Variants in MYSM1 observed in about 807,000 individuals in gnomAD.
MYSM1 encodes the protein deubiquitinase MYSM1.
In MYSM1, 51 loss-of-function variants were observed where a neutral mutation model predicts 116.0. The observed-to-expected ratio is 0.44, with a 90% CI of 0.35 to 0.56. The LOEUF (loss-of-function observed/expected upper bound fraction) is 0.56, where lower values mean the gene tolerates loss of function less well. Among genes scored for constraint, MYSM1 ranks in the 20% least tolerant of loss-of-function variants. MYSM1 has a pLI of 0.00. For synonymous variants in MYSM1, 313 were observed against 315.2 expected (o/e 0.99, Z 0.07); for missense variants, 900 against 974.9 (o/e 0.92, Z 1.02).
chr1:58,697,615 G>A (rs950047934), intron 1 of MYSM1, among the ~76,000 whole-genome samples: 3 of 150,440 alleles, frequency 2.0e-5, no homozygotes, highest in Non-Finnish European at 3.0e-5. Context: ...TTGAGATGGC[G>A]TTTTGCTCTT....
intron 2 of MYSM1, among the ~76,000 whole-genome samples, chr1:58,693,492 C>T (rs1458879503): frequency 2.0e-5 from 3 of 152,206 alleles, no homozygotes; most frequent in Non-Finnish European, 4.4e-5. Context: ...TTATCTCCAC[C>T]TGCTTCTCCC....
Position 58,682,280 on chromosome 1 carries a change from T to C in MYSM1, c.764A>G (p.His255Arg). Reference protein sequence around the residue: ...LLLDFPNSKMHETNQGEFITS... With the variant: ...LLLDFPNSKMRETNQGEFITS... ...AATGAATTCTCCTTGATTGGTTTCA[T>C]GCATTTTACTATTAGGAAAGTCTAA... Residue 255 changes from histidine (H) to arginine (R), a missense_variant, in exon 8 of 20, where the codon CAT (histidine) becomes CGT (arginine). His to Arg is a conservative substitution (Grantham distance 29, BLOSUM62 0). Transcript: ENST00000472487. 1 of 1,611,500 alleles carries C rather than the reference T, an allele frequency of 6.2e-7. No homozygotes were observed. Among genetic ancestry groups the C allele is most frequent in the Non-Finnish European group, 8.5e-7 (1 of 1,177,990 alleles).
chr1:58,672,568 ATAAAG>A (rs1644579673), intron 11 of MYSM1, among the ~76,000 whole-genome samples: 3 of 152,294 alleles, frequency 2.0e-5, no homozygotes, highest in Middle Eastern at 3.4e-3. Flanking sequence ...TGTTTATAAA[ATAAAG>A]TAAATCTCTA....
chr1:58,694,423 TC>T (rs1430617177), intron 2 of MYSM1, among the ~76,000 whole-genome samples: 6 of 151,742 alleles, frequency 4.0e-5, no homozygotes, highest in Non-Finnish European at 8.8e-5. Flanking sequence ...GAGATCAAGG[TC>T]AGCTTGGCCA....
In MYSM1 at chr1:58,675,412, C is replaced by T. The variant is rs11800748; in HGVS notation, c.1494+65G>A. The T allele has an allele frequency of 6.5e-4, 786 of 1,200,368 alleles. 5 individuals carry two copies. The African/African-American group carries it at 0.01, about 16-fold the overall frequency. The allele number at this position is 1,200,368 out of a possible 1,614,324, so 74.4% of individuals were successfully genotyped here. ...TTTATTAAACAGCTCAAGGTAAGTA[C>T]GTAAACCACACTAAACAGAGTAAGC... On this transcript the variant is annotated intron_variant, in intron 10 of 19. Transcript: ENST00000472487.
Position 58,654,770 on chromosome 1 carries a change from A to G in MYSM1, c.*5227T>C, listed in dbSNP as rs1044586443. 1 of 152,204 alleles carries G rather than the reference A, an allele frequency of 6.6e-6. No homozygotes were observed. Among genetic ancestry groups the G allele is most frequent in the Admixed American group, 6.6e-5 (1 of 15,266 alleles). 9.4% of individuals were successfully genotyped at this position (152,204 alleles called of 1,614,324 possible). A position where few individuals can be genotyped will look rare whatever the true frequency, so the allele number is the denominator to read the frequency against. On this transcript the variant is annotated 3_prime_UTR_variant, in exon 20 of 20. Transcript: ENST00000472487. ...TATTTTCAAAATTTTATTTTTATGG[A>G]ATTTTCAGCATGTTTAAACTTAATT... is the stretch of plus-strand genomic sequence containing the variant.
intron 5 of MYSM1, 96 bp downstream of exon 5, chr1:58,690,129 AG>A (rs1394014209): frequency 3.1e-6 from 3 of 953,488 alleles, no homozygotes; most frequent in Non-Finnish European, 4.6e-6. Context: ...TAAGGTCAAG[AG>A]GGCTTTTCCA....
intron 8 of MYSM1, among the ~76,000 whole-genome samples, chr1:58,677,859 G>C (rs1440122056): frequency 6.6e-6 from 1 of 152,000 alleles, no homozygotes; most frequent in African/African-American, 2.4e-5. Flanking sequence ...GAAGCAAGGG[G>C]GTCAGAGTAA....
At position 58,685,206 on chromosome 1, in the gene MYSM1, T is replaced by C; in HGVS notation, c.445A>G (p.Ser149Gly). The change falls in exon 7 of 20, where the codon AGC becomes GGC. Residue 149 changes from serine to glycine, a missense_variant. Physicochemically the swap from Ser to Gly is moderately conservative, Grantham distance 56 (BLOSUM62 0). This residue lies in a region of MYSM1 where 622 missense variants were observed against 623.7 expected (regional missense o/e 1.00). Coordinates refer to ENST00000472487, the MANE Select transcript of MYSM1 (RefSeq NM_001085487.3). ...RWTKISKLIG[S>G]RTVLQVKSYA... ...CTCTTCACTTGTAAAACAGTGCGGC[T>C]TCCAATTAGCTTTGAAATTTTGGTC... 6.2e-7 allele frequency: 1 copy of C among 1,609,098 alleles called. No individual in the cohort carries two copies. Among genetic ancestry groups the C allele is most frequent in the Non-Finnish European group, 8.5e-7 (1 of 1,178,524 alleles).
chr1:58,659,752 C>A lies in MYSM1; in HGVS notation c.*245G>T. On this transcript the variant is annotated 3_prime_UTR_variant, in exon 20 of 20. Transcript: ENST00000472487. ...GGTTGCTTAGTTTCACAGCCTACAG[C>A]ATTGCTCAGTAAAGGACTAGAACAC... 1 of 292,686 alleles carries A rather than the reference C, an allele frequency of 3.4e-6. No homozygotes were observed. The highest frequency in any genetic ancestry group is 6.3e-6 in the Non-Finnish European group (1 of 158,814). 18.1% of individuals were successfully genotyped at this position (292,686 alleles called of 1,614,324 possible).
At chr1:58,670,436 G>C (rs1644543258) in intron 12 of MYSM1, among the ~76,000 whole-genome samples, 1 of 152,194 alleles carries the variant, frequency 6.6e-6, no homozygotes, top group Admixed American at 6.5e-5. Flanking sequence ...GGAGGAACTA[G>C]ATGTTGAACA....
chr1:58,671,311 C>G (rs1348151182), intron 12 of MYSM1, among the ~76,000 whole-genome samples: 1 of 151,938 alleles, frequency 6.6e-6, no homozygotes, highest in Non-Finnish European at 1.5e-5. Flanking sequence ...TAAATGAGAA[C>G]CTAAGGATTA....
At chr1:58,687,852 C>T (rs1644849738) in intron 6 of MYSM1, among the ~76,000 whole-genome samples, 1 of 152,116 alleles carries the variant, frequency 6.6e-6, no homozygotes, top group Non-Finnish European at 1.5e-5. Flanking sequence ...CAGCAGCGGG[C>T]TCTGGCATTA....
At chr1:58,694,589 T>C (rs536650749) in intron 2 of MYSM1, among the ~76,000 whole-genome samples, 92 of 151,688 alleles carry the variant, frequency 6.1e-4, no homozygotes, top group African/African-American at 2.2e-3. Context: ...AAACTGCAGT[T>C]CAGCCTGGCG....
intron 13 of MYSM1, 30 bp downstream of exon 13, chr1:58,668,954 T>C: frequency 1.3e-6 from 2 of 1,542,248 alleles, no homozygotes; most frequent in South Asian, 2.3e-5. Flanking sequence ...GGGGATTGTC[T>C]ACTGTCATTC....
At chr1:58,690,294 T>C in intron 4 of MYSM1, 45 bp from the exon 5 acceptor site, 1 of 1,581,684 alleles carries the variant, frequency 6.3e-7, no homozygotes, top group Non-Finnish European at 8.6e-7. Context: ...GTGAGGTTTC[T>C]AAAACTACAA....
At chr1:58,691,749 C>T (rs188536556) in intron 3 of MYSM1, among the ~76,000 whole-genome samples, 2 of 152,168 alleles carry the variant, frequency 1.3e-5, no homozygotes, top group South Asian at 2.1e-4. Context: ...CGCCCATAAT[C>T]CCAGCTACTC....
chr1:58,692,871 A>G lies in MYSM1; in HGVS notation c.208T>C (p.Leu70=). Residue 70 remains leucine (L), a synonymous_variant, in exon 3 of 20, where the codon TTG becomes CTG. Transcript: ENST00000472487. ...ATCATTAAAGGATACTCTTCTTCCA[A>G]CAACATTTTCTCAATAACAGCTCTG... ...ENRAVIEKML[L]EEEYYLSKKS... 6.2e-7 allele frequency: 1 copy of G among 1,609,730 alleles called. No homozygotes were observed. The highest frequency in any genetic ancestry group is 8.5e-7 in the Non-Finnish European group (1 of 1,178,276).
chr1:58,682,067 T>C lies in MYSM1; in HGVS notation c.977A>G (p.His326Arg). 3 of 1,614,184 alleles carry C rather than the reference T, an allele frequency of 1.9e-6. No homozygotes were observed. Among genetic ancestry groups the C allele is most frequent in the Non-Finnish European group, 2.5e-6 (3 of 1,180,028 alleles). Reference protein sequence around the residue: ...FNELIKNCNKHDGRGIIVDAR... With the variant: ...FNELIKNCNKRDGRGIIVDAR... ...ATCAACTATTATTCCCCTTCCATCA[T>C]GCTTGTTGCAGTTTTTAATCAATTC... The change falls in exon 8 of 20, where the codon CAT (histidine) becomes CGT (arginine). Residue 326 changes from histidine to arginine, a missense_variant. Physicochemically the swap from His to Arg is conservative, Grantham distance 29 (BLOSUM62 0). This residue lies in a region of MYSM1 where 622 missense variants were observed against 623.7 expected (regional missense o/e 1.00). Coordinates refer to ENST00000472487, the MANE Select transcript of MYSM1 (RefSeq NM_001085487.3).
Sources: gnomAD v4.1 joint callset for allele counts (sites outside exome capture counted in the v4.1 genomes callset) on GRCh38, gnomAD v4.1.1 for gene constraint, gnomAD v4.1.1 regional missense constraint, MANE v1.5 for transcripts, NCBI Gene and HGNC (gene_info 2026-07-23, HGNC 2026-07-21) for gene names.